Variants in GRIN1 observed in about 807,000 individuals in gnomAD.
GRIN1 encodes the protein glutamate ionotropic receptor NMDA type subunit 1.
GRIN1 carries 38 observed loss-of-function variants against 103.0 expected under a neutral mutation model. The observed-to-expected ratio is 0.37, with a 90% confidence interval of 0.28 to 0.48. The LOEUF (loss-of-function observed/expected upper bound fraction) is 0.48. Among genes scored for constraint, GRIN1 ranks in the 20% least tolerant of loss-of-function variants. GRIN1 has a pLI of 0.98. For missense variants in GRIN1, 577 were observed against 1,288.9 expected, an observed-to-expected ratio of 0.45 and a Z score of 8.46; for synonymous variants, 544 against 532.7, an observed-to-expected ratio of 1.02 and a Z score of -0.29.
chr9:137,163,498 A>G, intron 16 of GRIN1, 61 bp from the exon 17 acceptor site: 1 of 704,344 alleles, frequency 1.4e-6, no homozygotes, highest in South Asian at 1.4e-5. Context: ...CCCCGCCCCC[A>G]GCTTGCTCCT....
intron 3 of GRIN1, chr9:137,148,039 C>A (rs1832648376): frequency 4.3e-6 from 3 of 690,240 alleles, no homozygotes; most frequent in Non-Finnish European, 7.3e-6. Context: ...CAGGTAGGAG[C>A]CCGTCTGCAG....
intron 14 of GRIN1, 39 bp downstream of exon 14, chr9:137,162,778 A>C: frequency 6.2e-7 from 1 of 1,601,794 alleles, no homozygotes. Flanking sequence ...ATGCGAGGTG[A>C]GCTGGGGTCG....
intron 19 of GRIN1, chr9:137,165,554 C>T: frequency 1.9e-6 from 1 of 532,390 alleles, no homozygotes. Flanking sequence ...TGCCATGACC[C>T]ACACGCCATC....
intron 4 of GRIN1, among the ~76,000 whole-genome samples, chr9:137,154,377 G>A (rs1299574153): frequency 1.4e-5 from 2 of 145,210 alleles, no homozygotes; most frequent in African/African-American, 2.6e-5. Context: ...CACCCACCTC[G>A]GCCTCCCAAA....
chr9:137,162,124 G>T, intron 11 of GRIN1, 36 bp downstream of exon 11: 1 of 1,530,242 alleles, frequency 6.5e-7, no homozygotes, highest in Non-Finnish European at 8.8e-7. Context: ...GGCGGCGGGG[G>T]GAGTCCCTGG....
At position 137,146,965 on chromosome 9, in the gene GRIN1, C is replaced by T. The variant is rs1004945986; in HGVS notation, c.570+1063C>T. Among the ~76,000 whole-genome samples the T allele has an allele frequency of 2.3e-4, 35 of 151,890 alleles. No individual in the cohort carries two copies. Among genetic ancestry groups the T allele is most frequent in the African/African-American group, 8.2e-4 (34 of 41,412 alleles). On this transcript the variant is annotated intron_variant, in intron 3 of 19. Transcript: ENST00000371561. The surrounding 1 kb of genome is among the most constrained non-coding windows in gnomAD (Gnocchi z 6.7). The stretch of plus-strand genomic sequence containing the variant: ...GTCTTGGGGGGGAGGGGCATGGGCA[C>T]CAAGGGCCCCACCCAAGACAGTGCC...
At chr9:137,141,970 G>C in intron 1 of GRIN1, 43 bp from the exon 2 acceptor site, 1 of 1,612,368 alleles carries the variant, frequency 6.2e-7, no homozygotes, top group Non-Finnish European at 8.5e-7. Flanking sequence ...CCAGTGCCTG[G>C]CTCACCCCTG....
Position 137,167,979 on chromosome 9 carries a change from C to A in GRIN1, c.*452C>A. 3.8e-6 allele frequency: 3 copies of A among 794,590 alleles called. No homozygotes were observed. The highest frequency in any genetic ancestry group is 6.3e-6 in the Non-Finnish European group (3 of 475,116). The allele number at this position is 794,590 out of a possible 1,614,324, so 49.2% of individuals were successfully genotyped here. A position where few individuals can be genotyped will look rare whatever the true frequency, so the allele number is the denominator to read the frequency against. On this transcript the variant is annotated 3_prime_UTR_variant, in exon 20 of 20. Coordinates refer to ENST00000371561, the MANE Select transcript of GRIN1 (RefSeq NM_007327.4). ...GGCCTCCCGTCCGTCCGCCCGCCCA[C>A]CCCGCTGCCTGGCGGGCAGCCCCTG...
intron 2 of GRIN1, among the ~76,000 whole-genome samples, chr9:137,143,731 A>G (rs1832301465): frequency 1.3e-5 from 2 of 152,246 alleles, no homozygotes; most frequent in African/African-American, 2.4e-5. Flanking sequence ...AGACAGAAGC[A>G]GGGGACATTT....
Position 137,158,313 on chromosome 9 carries a change from G to A in GRIN1, c.969-66G>A, listed in dbSNP as rs960295864. The stretch of plus-strand genomic sequence containing the variant: ...AAGGAGCAGGGAGAAGCAGCAGGGG[G>A]AAGGAGCAGGGAGGAGCAGGAGAAG... On this transcript the variant is annotated intron_variant, in intron 6 of 19. Transcript: ENST00000371561. 15 of 1,553,664 alleles carry A rather than the reference G, an allele frequency of 9.7e-6. No homozygotes were observed. The African/African-American group carries it at 1.4e-4, about 14-fold the overall frequency.
At chr9:137,153,459 C>A (rs1456129020) in intron 4 of GRIN1, among the ~76,000 whole-genome samples, 1 of 151,804 alleles carries the variant, frequency 6.6e-6, no homozygotes, top group Non-Finnish European at 1.5e-5. Flanking sequence ...ACACATACAT[C>A]TCTACCCACA....
chr9:137,163,360 C>T (rs752549169), intron 16 of GRIN1, 30 bp downstream of exon 16: 2 of 1,610,386 alleles, frequency 1.2e-6, no homozygotes, highest in Admixed American at 3.3e-5. Flanking sequence ...CGTCCCTCCT[C>T]CGCCCCTCTC....
intron 3 of GRIN1, among the ~76,000 whole-genome samples, chr9:137,147,413 C>T (rs1215398186): frequency 7.2e-5 from 11 of 152,156 alleles, no homozygotes; most frequent in Non-Finnish European, 1.0e-4. Flanking sequence ...CATGCACACA[C>T]GCACACACGT....
At position 137,163,156 on chromosome 9, in the gene GRIN1, C is replaced by T. The variant is rs1833654794; in HGVS notation, c.2172-13C>T. Reference sequence around the variant, plus strand: ...CAGGACCAAGGCCCCCGTGACTCCGCCTCTGCCGGCAGCAAGCTGCATGCC... The same window carrying T: ...CAGGACCAAGGCCCCCGTGACTCCGTCTCTGCCGGCAGCAAGCTGCATGCC... On this transcript the variant is annotated splice_polypyrimidine_tract_variant and intron_variant, in intron 15 of 19. Coordinates refer to ENST00000371561, the MANE Select transcript of GRIN1 (RefSeq NM_007327.4). 2.5e-6 allele frequency: 4 copies of T among 1,612,218 alleles called. No individual in the cohort carries two copies. The African/African-American group carries it at 5.3e-5, about 22-fold the overall frequency.
At chr9:137,143,890 A>AG (rs963290453) in intron 2 of GRIN1, among the ~76,000 whole-genome samples, 1 of 152,172 alleles carries the variant, frequency 6.6e-6, no homozygotes, top group Non-Finnish European at 1.5e-5. Flanking sequence ...ACTGAGGCAG[A>AG]GGGGGGCAGA....
chr9:137,158,285 G>A (rs1374551258), intron 6 of GRIN1, 94 bp from the exon 7 acceptor site: 1 of 1,375,402 alleles, frequency 7.3e-7, no homozygotes. Context: ...AAGGAGCAGG[G>A]GGAAGGAGCA....
intron 19 of GRIN1, among the ~76,000 whole-genome samples, chr9:137,166,587 C>A (rs775962788): frequency 1.3e-5 from 2 of 152,244 alleles, no homozygotes; most frequent in Non-Finnish European, 2.9e-5. Flanking sequence ...AGCCAAATCC[C>A]GAGATGAAGC....
intron 8 of GRIN1, among the ~76,000 whole-genome samples, chr9:137,160,400 G>A (rs1328372000): frequency 6.6e-6 from 1 of 152,146 alleles, no homozygotes; most frequent in Non-Finnish European, 1.5e-5. Context: ...GGCATACACG[G>A]GACATCAGCG....
chr9:137,149,520 G>A (rs1443684484), intron 4 of GRIN1, among the ~76,000 whole-genome samples: 1 of 152,268 alleles, frequency 6.6e-6, no homozygotes, highest in East Asian at 1.9e-4. Flanking sequence ...CCACAGCAGG[G>A]AGAGGGCCAG....
Sources: gnomAD v4.1 joint callset for allele counts (sites outside exome capture counted in the v4.1 genomes callset) on GRCh38, gnomAD v4.1.1 for gene constraint, Gnocchi (gnomAD v3.1) non-coding constraint, MANE v1.5 for transcripts, NCBI Gene and HGNC (gene_info 2026-07-23, HGNC 2026-07-21) for gene names.